Variants in PCDH15 observed in about 807,000 individuals in gnomAD.
PCDH15 encodes the protein protocadherin-15.
A neutral mutation model predicts 178.5 loss-of-function variants in PCDH15; 129 were observed. The ratio of observed to expected loss-of-function variants is 0.72; its 90% CI spans 0.63 to 0.84. PCDH15 has a LOEUF of 0.84. Among genes scored for constraint, PCDH15 ranks in the 40% least tolerant of loss-of-function variants. The pLI, the probability that PCDH15 is intolerant of heterozygous loss-of-function variation, is 0.00. For synonymous variants in PCDH15, 800 were observed against 732.0 expected, an observed-to-expected ratio of 1.09 and a Z score of -1.50; for missense variants, 2,230 against 2,099.9, an observed-to-expected ratio of 1.06 and a Z score of -1.21.
chr10:53,924,280 C>T (rs958021204), intron 25 of PCDH15, among the ~76,000 whole-genome samples: 7 of 152,206 alleles, frequency 4.6e-5, no homozygotes, highest in Non-Finnish European at 7.4e-5. Context: ...TCAGAGCGGC[C>T]GGCTGGCACC....
intron 1 of PCDH15, among the ~76,000 whole-genome samples, chr10:55,217,613 A>T (rs1840743498): frequency 6.6e-6 from 1 of 151,936 alleles, no homozygotes; most frequent in Non-Finnish European, 1.5e-5. Context: ...CATTATATTC[A>T]TAATGCTGAA....
At chr10:55,578,404 A>G (rs1564463254) in intron 2 of PCDH15, among the ~76,000 whole-genome samples, 2 of 152,038 alleles carry the variant, frequency 1.3e-5, no homozygotes, top group East Asian at 3.9e-4. Context: ...TATTTTTAGT[A>G]GAGATGGGGT....
chr10:54,763,726 A>G (rs1948168410), intron 1 of PCDH15, among the ~76,000 whole-genome samples: 1 of 148,504 alleles, frequency 6.7e-6, no homozygotes, highest in African/African-American at 2.5e-5. Context: ...TTTACTTTTT[A>G]TGGATACATA....
rs546859367 is a variant in PCDH15 at position 54,268,312 on chromosome 10, A to G, written c.877-31381T>C. Among the ~76,000 whole-genome samples, 5 of 152,128 alleles carry G rather than the reference A, an allele frequency of 3.3e-5. No individual in the cohort carries two copies. The East Asian group carries it at 7.7e-4, about 23-fold the overall frequency. On this transcript the variant is annotated intron_variant, in intron 8 of 37. Coordinates refer to ENST00000644397, the MANE Select transcript of PCDH15 (RefSeq NM_001384140.1). ...AAAAGACTTAAATGTAAAACTTTAA[A>G]CTATAAGAAGCCTAGAATTAGACCT... is the stretch of plus-strand genomic sequence containing the variant.
At position 55,544,139 on chromosome 10, in the gene PCDH15, C is replaced by CATATATATATATATATATATAT. The variant is rs1176456895; in HGVS notation, c.-156+83464_-156+83485dup. ...CAGTTTTCCTCAAATCTTATACATA[C>CATATATATATATATATATATAT]ATATATATATATATATATATATATA... is the stretch of plus-strand genomic sequence containing the variant. On this transcript the variant is annotated intron_variant, in intron 2 of 5. Coordinates refer to the PCDH15 transcript ENST00000613346. 5.0e-4 allele frequency among the ~76,000 whole-genome samples: 27 copies of CATATATATATATATATATATAT among 54,294 alleles called. 1 individual carries two copies. The highest frequency in any genetic ancestry group is 8.3e-4 in the Non-Finnish European group (24 of 28,912). The allele number at this position is 54,294 out of a possible 152,430, so 35.6% of individuals were successfully genotyped here. A position where few individuals can be genotyped will look rare whatever the true frequency, so the allele number is the denominator to read the frequency against.
At chr10:54,020,115 A>T in intron 20 of PCDH15, 77 bp downstream of exon 20, 1 of 1,217,124 alleles carries the variant, frequency 8.2e-7, no homozygotes, top group Non-Finnish European at 1.2e-6. Context: ...AAAACATATT[A>T]TAGGTATAAT....
chr10:54,618,162 T>C (rs1284799590), intron 2 of PCDH15, among the ~76,000 whole-genome samples: 2 of 152,126 alleles, frequency 1.3e-5, no homozygotes, highest in African/African-American at 2.4e-5. Flanking sequence ...TCCTGTTTTC[T>C]ATAGACAAAG....
intron 2 of PCDH15, among the ~76,000 whole-genome samples, chr10:54,957,859 A>G (rs1457632901): frequency 6.6e-6 from 1 of 151,766 alleles, no homozygotes. Flanking sequence ...AAGGAAAATG[A>G]CAATTAAACA....
At chr10:54,390,229 T>C (rs1240269280) in intron 3 of PCDH15, among the ~76,000 whole-genome samples, 1 of 152,188 alleles carries the variant, frequency 6.6e-6, no homozygotes, top group Non-Finnish European at 1.5e-5. Flanking sequence ...GTCTTTAGAA[T>C]TCACTCCCAT....
intron 2 of PCDH15, among the ~76,000 whole-genome samples, chr10:55,438,437 C>A (rs1253223886): frequency 6.6e-6 from 1 of 152,090 alleles, no homozygotes; most frequent in Non-Finnish European, 1.5e-5. Flanking sequence ...TGTTTTATAG[C>A]TTTATTAAAT....
At chr10:55,301,760 T>C (rs540028009) in intron 1 of PCDH15, among the ~76,000 whole-genome samples, 4 of 152,278 alleles carry the variant, frequency 2.6e-5, no homozygotes, top group South Asian at 4.1e-4. Flanking sequence ...TGAGTTAATG[T>C]TTTACTAACT....
At chr10:53,880,257 G>A (rs1262384401) in intron 26 of PCDH15, among the ~76,000 whole-genome samples, 3 of 151,992 alleles carry the variant, frequency 2.0e-5, no homozygotes, top group Admixed American at 6.6e-5. Flanking sequence ...CAACCCATGG[G>A]CCCAAAATTT....
chr10:54,885,039 A>C (rs1250971004), intron 3 of PCDH15, among the ~76,000 whole-genome samples: 1 of 152,008 alleles, frequency 6.6e-6, no homozygotes, highest in African/African-American at 2.4e-5. Flanking sequence ...TCTTCTCTCA[A>C]AGATTATCAG....
intron 2 of PCDH15, among the ~76,000 whole-genome samples, chr10:55,495,856 T>C (rs1319813899): frequency 1.3e-5 from 2 of 151,854 alleles, no homozygotes; most frequent in East Asian, 1.9e-4. Context: ...GATGAATGGA[T>C]AAATAAAGTG....
intron 2 of PCDH15, among the ~76,000 whole-genome samples, chr10:54,550,635 G>T (rs2086463043): frequency 6.6e-6 from 1 of 152,040 alleles, no homozygotes; most frequent in African/African-American, 2.4e-5. Flanking sequence ...AAGACAAATT[G>T]CTTTCTACAT....
chr10:55,429,564 A>G lies in PCDH15; in HGVS notation c.-156+198061T>C, dbSNP rs114525024. Among the ~76,000 whole-genome samples the G allele has an allele frequency of 9.0e-3, 1,377 of 152,288 alleles. 24 individuals carry two copies. The highest frequency in any genetic ancestry group is 0.031 in the African/African-American group (1,298 of 41,560). ...ATTAAATTATTTTCATATCATGAAC[A>G]GAAGTTATGTTTATAATTTTTGATG... On this transcript the variant is annotated intron_variant, in intron 2 of 5. Transcript: ENST00000613346.
At chr10:54,344,755 C>T (rs573303296) in intron 6 of PCDH15, among the ~76,000 whole-genome samples, 1 of 151,820 alleles carries the variant, frequency 6.6e-6, no homozygotes, top group South Asian at 2.1e-4. Flanking sequence ...ATTTCTGCTG[C>T]CCTTTTCTTT....
chr10:54,274,710 G>A (rs932444311), intron 8 of PCDH15, among the ~76,000 whole-genome samples: 1 of 150,618 alleles, frequency 6.6e-6, no homozygotes, highest in Admixed American at 6.7e-5. Context: ...TGACGTGTTC[G>A]TATTATGCAA....
Position 53,805,708 on chromosome 10 carries a change from C to G in PCDH15, c.*871G>C, listed in dbSNP as rs1421347572. 1 of 152,190 alleles carries G rather than the reference C, an allele frequency of 6.6e-6. No homozygotes were observed. The highest frequency in any genetic ancestry group is 2.4e-5 in the African/African-American group (1 of 41,564). 9.4% of individuals were successfully genotyped at this position (152,190 alleles called of 1,614,324 possible). ...AAAGTCTAGTGACATTAATGTGAGA[C>G]TTCCCTAACCTCACCATGTCTTCCA... is the stretch of plus-strand genomic sequence containing the variant. On this transcript the variant is annotated 3_prime_UTR_variant, in exon 38 of 38. Coordinates refer to ENST00000644397, the MANE Select transcript of PCDH15 (RefSeq NM_001384140.1).
Sources: gnomAD v4.1 joint callset for allele counts (sites outside exome capture counted in the v4.1 genomes callset) on GRCh38, gnomAD v4.1.1 for gene constraint, MANE v1.5 for transcripts, NCBI Gene and HGNC (gene_info 2026-07-23, HGNC 2026-07-21) for gene names.